TFCP2: variants seen among roughly 807,000 people sequenced by gnomAD.
The protein encoded by TFCP2 is alpha-globin transcription factor CP2.
In TFCP2, 33 loss-of-function variants were observed where a neutral mutation model predicts 73.4. The observed-to-expected ratio is 0.45, with a 90% CI of 0.34 to 0.60. TFCP2 has a LOEUF of 0.60. TFCP2 is among the 20% of genes least tolerant of loss of function. TFCP2 has a pLI of 0.01. For missense variants in TFCP2, 352 were observed against 604.0 expected, an observed-to-expected ratio of 0.58 and a Z score of 4.37; for synonymous variants, 193 against 211.6, an observed-to-expected ratio of 0.91 and a Z score of 0.76.
chr12:51,111,247 G>A (rs1200747212), intron 4 of TFCP2, among the ~76,000 whole-genome samples: 1 of 151,870 alleles, frequency 6.6e-6, no homozygotes, highest in Non-Finnish European at 1.5e-5. Flanking sequence ...GGGTTCAAAC[G>A]ATCCTCCTGC....
chr12:51,130,055 G>A (rs577376798), intron 1 of TFCP2, among the ~76,000 whole-genome samples: 3 of 152,292 alleles, frequency 2.0e-5, no homozygotes, highest in Admixed American at 6.5e-5. Context: ...GGAGGCTGAG[G>A]TAGGAGGATC....
chr12:51,150,480 A>C (rs1941398792), intron 1 of TFCP2, among the ~76,000 whole-genome samples: 1 of 152,196 alleles, frequency 6.6e-6, no homozygotes, highest in Non-Finnish European at 1.5e-5. Context: ...TTTAATTTTA[A>C]AATTTAAAAA....
At chr12:51,150,047 G>A (rs866118432) in intron 1 of TFCP2, among the ~76,000 whole-genome samples, 1 of 152,120 alleles carries the variant, frequency 6.6e-6, no homozygotes, top group African/African-American at 2.4e-5. Flanking sequence ...ACTCCCAGAG[G>A]CAACATTATC....
chr12:51,100,595 T>A (rs1940085959), intron 11 of TFCP2, among the ~76,000 whole-genome samples: 1 of 151,998 alleles, frequency 6.6e-6, no homozygotes, highest in Non-Finnish European at 1.5e-5. Context: ...TCAGAAGGAT[T>A]GCTTGAGCTC....
chr12:51,114,946 C>T (rs929050167), intron 4 of TFCP2, among the ~76,000 whole-genome samples: 1 of 150,308 alleles, frequency 6.7e-6, no homozygotes, highest in African/African-American at 2.4e-5. Flanking sequence ...CCTGTAATCC[C>T]AGCTACTTGG....
Position 51,095,110 on chromosome 12 carries a change from G to C in TFCP2, c.*131C>G, listed in dbSNP as rs988942721. On this transcript the variant is annotated 3_prime_UTR_variant, in exon 15 of 15. Coordinates refer to ENST00000257915, the MANE Select transcript of TFCP2 (RefSeq NM_005653.5). ...GGCCAGGATTCTGCCTCCATGGCCT[G>C]GACTCCTCCACACACAGTCAGACGA... 5.5e-5 allele frequency: 56 copies of C among 1,014,754 alleles called. No homozygotes were observed. Among genetic ancestry groups the C allele is most frequent in the Non-Finnish European group, 8.4e-5 (54 of 644,050 alleles). 62.9% of individuals were successfully genotyped at this position (1,014,754 alleles called of 1,614,324 possible). A position where few individuals can be genotyped will look rare whatever the true frequency, so the allele number is the denominator to read the frequency against.
chr12:51,132,079 C>G (rs976842873), intron 1 of TFCP2, among the ~76,000 whole-genome samples: 1 of 152,140 alleles, frequency 6.6e-6, no homozygotes, highest in African/African-American at 2.4e-5. Flanking sequence ...AATAGAGGAA[C>G]AACTGCTTGT....
At chr12:51,162,349 C>T (rs1414483197) in intron 1 of TFCP2, among the ~76,000 whole-genome samples, 1 of 151,304 alleles carries the variant, frequency 6.6e-6, no homozygotes, top group African/African-American at 2.4e-5. Context: ...AGGAGGCTGA[C>T]GCAGGAGACT....
intron 1 of TFCP2, chr12:51,124,650 G>A (rs1234596387): frequency 1.7e-6 from 1 of 579,584 alleles, no homozygotes; most frequent in Non-Finnish European, 3.3e-6. Flanking sequence ...AGCCTCCGCG[G>A]CTTCCAACTT....
rs1332085604 is a variant in TFCP2, at chr12:51,172,622, T to C, written c.-200A>G. 1.6e-6 allele frequency: 1 copy of C among 634,660 alleles called. No individual in the cohort carries two copies. Among genetic ancestry groups the C allele is most frequent in the Non-Finnish European group, 2.6e-6 (1 of 388,788 alleles). The allele number at this position is 634,660 out of a possible 1,614,324, so 39.3% of individuals were successfully genotyped here. On this transcript the variant is annotated 5_prime_UTR_variant, in exon 1 of 15. Coordinates refer to ENST00000257915, the MANE Select transcript of TFCP2 (RefSeq NM_005653.5). ...GTACCCTTGGCTGCTCGTTCTTGGC[T>C]GCCCCAGGTTCCAAAATCCCCCCTG...
intron 7 of TFCP2, chr12:51,107,018 A>C: frequency 1.7e-6 from 1 of 594,018 alleles, no homozygotes; most frequent in East Asian, 3.0e-5. Context: ...AAACCAAACC[A>C]GAGTAATTTG....
chr12:51,146,337 A>C (rs1369815119), intron 1 of TFCP2, among the ~76,000 whole-genome samples: 1 of 151,972 alleles, frequency 6.6e-6, no homozygotes, highest in Admixed American at 6.6e-5. Flanking sequence ...TATATTTAAG[A>C]TTCCTATAAA....
chr12:51,135,689 T>C (rs998783794), intron 1 of TFCP2, among the ~76,000 whole-genome samples: 1 of 151,922 alleles, frequency 6.6e-6, no homozygotes, highest in Non-Finnish European at 1.5e-5. Context: ...GCTTAATTAC[T>C]CAGTGCTATG....
chr12:51,119,395 T>A (rs1356160763), intron 1 of TFCP2, among the ~76,000 whole-genome samples: 2 of 152,244 alleles, frequency 1.3e-5, no homozygotes, highest in Non-Finnish European at 1.5e-5. Flanking sequence ...CTCATCCTTT[T>A]GTCAGTAGCA....
rs530592611 is a variant in TFCP2 at position 51,151,582 on chromosome 12, G to A, written c.122+20719C>T. 1.7e-3 allele frequency among the ~76,000 whole-genome samples: 261 copies of A among 152,114 alleles called. 2 individuals carry two copies. The highest frequency in any genetic ancestry group is 3.3e-3 in the Admixed American group (51 of 15,268). The stretch of plus-strand genomic sequence containing the variant: ...CTCTCAAGTAGCTAGGACTACAGGC[G>A]CCCGCCACCACGCCCGGCTAATTTT... On this transcript the variant is annotated intron_variant, in intron 1 of 14. Transcript: ENST00000257915.
intron 1 of TFCP2, among the ~76,000 whole-genome samples, chr12:51,126,843 A>C (rs1940829376): frequency 6.6e-6 from 1 of 152,172 alleles, no homozygotes; most frequent in Non-Finnish European, 1.5e-5. Flanking sequence ...AAAGAAAAAA[A>C]ATCTCCAGCA....
At chr12:51,108,221 G>A (rs1349498011) in intron 6 of TFCP2, among the ~76,000 whole-genome samples, 1 of 151,824 alleles carries the variant, frequency 6.6e-6, no homozygotes, top group African/African-American at 2.4e-5. Context: ...AGGAGACGGA[G>A]GTTGCAGTGA....
chr12:51,104,044 T>TAATG (rs1940173887), intron 9 of TFCP2, 111 bp downstream of exon 9: 9 of 1,099,066 alleles, frequency 8.2e-6, no homozygotes, highest in South Asian at 5.0e-5. Context: ...AATGTTTGTT[T>TAATG]AATGAATGAA....
chr12:51,146,677 G>T (rs1941305331), intron 1 of TFCP2, among the ~76,000 whole-genome samples: 1 of 152,094 alleles, frequency 6.6e-6, no homozygotes, highest in Non-Finnish European at 1.5e-5. Flanking sequence ...CCTCTGCCTG[G>T]AATATATTTC....
Sources: allele counts gnomAD v4.1 joint callset (sites outside exome capture counted in the v4.1 genomes callset), GRCh38; gene constraint gnomAD v4.1.1; transcripts MANE v1.5; gene names NCBI Gene and HGNC (gene_info 2026-07-23, HGNC 2026-07-21).